SPOP: variants seen among roughly 807,000 people sequenced by gnomAD.
SPOP encodes speckle type BTB/POZ protein.
In SPOP, 11 loss-of-function variants were observed where a neutral mutation model predicts 45.6. The observed-to-expected ratio is 0.24, with a 90% CI of 0.15 to 0.40. The LOEUF is 0.40. Among genes scored for constraint, SPOP ranks in the 10% least tolerant of loss-of-function variants. The probability of loss-of-function intolerance (pLI) is 1.00; values close to 1 mark genes in which losing one functional copy is unlikely to be tolerated. For missense variants in SPOP, 152 were observed against 465.6 expected (o/e 0.33, Z 6.20); for synonymous variants, 166 against 166.3 (o/e 1.00, Z 0.01).
Position 49,608,075 on chromosome 17 carries a change from T to C in SPOP, c.659-146A>G, listed in dbSNP as rs1024836816. The C allele has an allele frequency of 2.1e-5, 11 of 524,612 alleles. No individual in the cohort carries two copies. In the Admixed American group the frequency reaches 3.1e-4, roughly 15 times the overall value. The allele number at this position is 524,612 out of a possible 1,614,324, so 32.5% of individuals were successfully genotyped here. A position where few individuals can be genotyped will look rare whatever the true frequency, so the allele number is the denominator to read the frequency against. Reference sequence around the variant, plus strand: ...CTCAATTTACATCAGAATTACAAAATTCCTTTCTTCATATATTATAACAAT... The same window carrying C: ...CTCAATTTACATCAGAATTACAAAACTCCTTTCTTCATATATTATAACAAT... On this transcript the variant is annotated intron_variant, in intron 6 of 9. Transcript: ENST00000504102.
chr17:49,599,293 G>A lies in SPOP; in HGVS notation c.*1085C>T, dbSNP rs774306822. ...CAGAGATACCACACAGTACAAAATA[G>A]TAATTATTTATATTTTCAAAAAAAA... On this transcript the variant is annotated 3_prime_UTR_variant, in exon 10 of 10. Coordinates refer to ENST00000504102, the MANE Select transcript of SPOP (RefSeq NM_001007228.2). The A allele has an allele frequency of 1.1e-4, 24 of 217,364 alleles. No individual in the cohort carries two copies. Among genetic ancestry groups the A allele is most frequent in the Admixed American group, 2.3e-4 (4 of 17,120 alleles). The allele number at this position is 217,364 out of a possible 1,614,324, so 13.5% of individuals were successfully genotyped here. A position where few individuals can be genotyped will look rare whatever the true frequency, so the allele number is the denominator to read the frequency against.
chr17:49,623,252 C>A (rs1478016567), intron 1 of SPOP, among the ~76,000 whole-genome samples: 2 of 152,134 alleles, frequency 1.3e-5, no homozygotes, highest in Non-Finnish European at 2.9e-5. Context: ...AGGTGATCCA[C>A]CCTCCTCGGC....
chr17:49,614,990 C>G (rs1245614578), intron 5 of SPOP, among the ~76,000 whole-genome samples: 1 of 152,006 alleles, frequency 6.6e-6, no homozygotes, highest in Non-Finnish European at 1.5e-5. Context: ...TCCCAAGTAG[C>G]TAGGACTACA....
chr17:49,618,256 TGTCA>T (rs533998064), intron 5 of SPOP, among the ~76,000 whole-genome samples: 211 of 152,346 alleles, frequency 1.4e-3, no homozygotes, highest in African/African-American at 4.9e-3. Context: ...ACTGTGAGCT[TGTCA>T]GTATTTCTAA....
chr17:49,616,314 T>C (rs1164095262), intron 5 of SPOP, among the ~76,000 whole-genome samples: 3 of 152,122 alleles, frequency 2.0e-5, no homozygotes, highest in Non-Finnish European at 4.4e-5. Context: ...ATGAAACAAC[T>C]GTATTTATTG....
At chr17:49,672,633 C>T (rs754677341) in intron 1 of SPOP, among the ~76,000 whole-genome samples, 5 of 152,110 alleles carry the variant, frequency 3.3e-5, no homozygotes, top group Non-Finnish European at 7.4e-5. Flanking sequence ...ACAAGACAAA[C>T]AGCTCGGGCT....
chr17:49,600,298 GCTGT>G lies in SPOP; in HGVS notation c.*76_*79del. ...ACAGAGTAAAAGCTCCACAGATTGCGCTGTCTACCTGGTGGTCAGTGGCAGCAAC... is the reference window on the plus strand; with the variant it reads ...ACAGAGTAAAAGCTCCACAGATTGCGCTACCTGGTGGTCAGTGGCAGCAAC... On this transcript the variant is annotated 3_prime_UTR_variant, in exon 10 of 10. Coordinates refer to ENST00000504102, the MANE Select transcript of SPOP (RefSeq NM_001007228.2). The surrounding 1 kb of genome is among the most constrained non-coding windows in gnomAD (Gnocchi z 4.2). 1.3e-6 allele frequency: 2 copies of G among 1,573,148 alleles called. No homozygotes were observed. The highest frequency in any genetic ancestry group is 1.7e-6 in the Non-Finnish European group (2 of 1,148,214).
intron 1 of SPOP, among the ~76,000 whole-genome samples, chr17:49,630,392 T>C (rs1458153837): frequency 2.0e-5 from 3 of 152,204 alleles, no homozygotes; most frequent in Non-Finnish European, 2.9e-5. Context: ...AAATGACTTT[T>C]GAATATTTGT....
rs551617459 is a variant in SPOP, at chr17:49,608,300, G to A, written c.659-371C>T. ...AGGGTGTTCTAATACCTATGTTTTT[G>A]TTGGAACTGACACCATACTTTCTGC... On this transcript the variant is annotated intron_variant, in intron 6 of 9. Transcript: ENST00000504102. 1.9e-4 allele frequency among the ~76,000 whole-genome samples: 29 copies of A among 152,232 alleles called. No individual in the cohort carries two copies. In the East Asian group the frequency reaches 3.7e-3, roughly 19 times the overall value.
chr17:49,677,336 TG>T (rs2073212547), intron 1 of SPOP, among the ~76,000 whole-genome samples: 1 of 152,224 alleles, frequency 6.6e-6, no homozygotes, highest in Admixed American at 6.5e-5. Flanking sequence ...AGGGTCAGTG[TG>T]GGACACGCTG....
intron 1 of SPOP, among the ~76,000 whole-genome samples, chr17:49,661,850 C>T (rs1183422605): frequency 6.6e-6 from 1 of 151,940 alleles, no homozygotes; most frequent in Non-Finnish European, 1.5e-5. Context: ...CCCGCCTCTA[C>T]TAAAAGTACA....
intron 5 of SPOP, among the ~76,000 whole-genome samples, chr17:49,613,564 G>A (rs2072020994): frequency 6.6e-6 from 1 of 152,170 alleles, no homozygotes. Context: ...AATGAGTGGG[G>A]CCCAAAGGCT....
chr17:49,603,642 T>C (rs972109082), intron 8 of SPOP, among the ~76,000 whole-genome samples: 2 of 152,238 alleles, frequency 1.3e-5, no homozygotes, highest in Non-Finnish European at 2.9e-5. Context: ...AAATTCTAGA[T>C]GTTTAGATCA....
rs182168285 is a variant in SPOP at position 49,651,788 on chromosome 17, G to A, written c.-67+26145C>T. ...AATCCCAACACTTTGGGAGGCCAAG[G>A]CAGGCAGATCACTTGAGGTCAGGAG... On this transcript the variant is annotated intron_variant, in intron 1 of 9. Transcript: ENST00000504102. Among the ~76,000 whole-genome samples the A allele has an allele frequency of 1.3e-3, 198 of 152,256 alleles. 1 individual carries two copies. Among genetic ancestry groups the A allele is most frequent in the African/African-American group, 4.4e-3 (184 of 41,546 alleles).
At chr17:49,647,146 A>T (rs1371043279) in intron 1 of SPOP, among the ~76,000 whole-genome samples, 1 of 151,430 alleles carries the variant, frequency 6.6e-6, no homozygotes, top group Non-Finnish European at 1.5e-5. Context: ...CAAAAAAAAA[A>T]TTAGCCAGGT....
At chr17:49,635,960 A>G (rs890851261) in intron 1 of SPOP, among the ~76,000 whole-genome samples, 2 of 151,388 alleles carry the variant, frequency 1.3e-5, no homozygotes, top group African/African-American at 2.4e-5. Flanking sequence ...CATAAACTGT[A>G]ATTCTAATTT....
rs112880999 is a variant in SPOP, at chr17:49,599,506, G to GTTTTTTTTT, written c.*863_*871dup. 5.6e-6 allele frequency: 1 copy of GTTTTTTTTT among 180,162 alleles called. No individual in the cohort carries two copies. The highest frequency in any genetic ancestry group is 1.1e-5 in the Non-Finnish European group (1 of 91,642). The allele number at this position is 180,162 out of a possible 1,614,324, so 11.2% of individuals were successfully genotyped here. ...CTTTTGTTCTGTTTTTGTTTTGTGTGTTTTTTTTTTTGTTTGTTTTTTAGA... is the reference window on the plus strand; with the variant it reads ...CTTTTGTTCTGTTTTTGTTTTGTGTGTTTTTTTTTTTTTTTTTTTTGTTTGTTTTTTAGA... On this transcript the variant is annotated 3_prime_UTR_variant, in exon 10 of 10. Transcript: ENST00000504102.
intron 1 of SPOP, among the ~76,000 whole-genome samples, chr17:49,668,465 A>G (rs945611413): frequency 6.6e-5 from 10 of 152,320 alleles, no homozygotes; most frequent in Non-Finnish European, 1.0e-4. Flanking sequence ...ACTGGAGTAT[A>G]TAGTACATAT....
chr17:49,635,196 G>A (rs2072520386), intron 1 of SPOP, among the ~76,000 whole-genome samples: 1 of 152,158 alleles, frequency 6.6e-6, no homozygotes, highest in African/African-American at 2.4e-5. Flanking sequence ...TAATGTTACA[G>A]TTCTAAGTAA....
Sources: allele counts gnomAD v4.1 joint callset (sites outside exome capture counted in the v4.1 genomes callset), GRCh38; gene constraint gnomAD v4.1.1; non-coding constraint Gnocchi (gnomAD v3.1); transcripts MANE v1.5; gene names NCBI Gene and HGNC (gene_info 2026-07-23, HGNC 2026-07-21).